The following MTERF4 variants were observed in gnomAD, a reference collection of about 807,000 sequenced individuals.
The protein encoded by MTERF4 is transcription termination factor 4, mitochondrial.
A neutral mutation model predicts 22.5 loss-of-function variants in MTERF4; 17 were observed. The observed-to-expected ratio is 0.75, with a 90% CI of 0.52 to 1.13. The LOEUF is 1.13. Ranked by LOEUF, MTERF4 falls within the 50% of genes most tolerant of loss-of-function variation. The pLI, the probability that MTERF4 is intolerant of heterozygous loss-of-function variation, is 0.00. For synonymous variants in MTERF4, 165 were observed against 175.3 expected (o/e 0.94, Z 0.47); for missense variants, 420 against 466.8 (o/e 0.90, Z 0.92).
chr2:241,066,419 C>T, the MTERF4 span, among the ~76,000 whole-genome samples: 7 of 152,148 alleles, frequency 4.6e-5, no homozygotes, highest in South Asian at 4.1e-4. Context: ...TGGCCTTCCA[C>T]GGAGCCCGGC....
chr2:241,096,231 T>C lies in MTERF4; in HGVS notation c.913A>G (p.Thr305Ala), dbSNP rs746432971. ...RVSEAEFLAR[T>A]ACTSVEEFQV... The stretch of plus-strand genomic sequence containing the variant: ...AACTCCTCAACAGAAGTACAGGCTG[T>C]CCTGGCCAAAAACTCAGCTTCTGAA... Residue 305 changes from threonine (T) to alanine (A), a missense_variant, in exon 4 of 4, where the codon ACA (threonine) becomes GCA (alanine). Transcript: ENST00000391980. This position sits in a 1 kb window ranked among gnomAD's most constrained non-coding sequence, Gnocchi z 5.1. The C allele has an allele frequency of 6.2e-7, 1 of 1,614,210 alleles. No homozygotes were observed. Among genetic ancestry groups the C allele is most frequent in the Non-Finnish European group, 8.5e-7 (1 of 1,180,046 alleles).
At chr2:241,068,889 CTT>C (rs766499310), downstream of MTERF4, 74 of 1,507,472 alleles carry the variant, frequency 4.9e-5, no homozygotes, top group South Asian at 8.2e-4. This position sits in a 1 kb window ranked among gnomAD's most constrained non-coding sequence, Gnocchi z 5.3. Context: ...CCTGTTCTCT[CTT>C]TGTCACCTCC....
rs1413304025 is a variant in MTERF4, at chr2:241,073,449, A to G, written n.2713T>C. Reference sequence around the variant, plus strand: ...AGGCTGCAGGCAGGAGGGACCACCCACGGTGAGGAATCAGGAGGCACAGAG... The same window carrying G: ...AGGCTGCAGGCAGGAGGGACCACCCGCGGTGAGGAATCAGGAGGCACAGAG... On this transcript the variant is annotated non_coding_transcript_exon_variant, in exon 5 of 5. Coordinates refer to the MTERF4 transcript ENST00000464344. This position sits in a 1 kb window ranked among gnomAD's most constrained non-coding sequence, Gnocchi z 6.6. 1 of 1,113,136 alleles carries G rather than the reference A, an allele frequency of 9.0e-7. No homozygotes were observed. Among genetic ancestry groups the G allele is most frequent in the South Asian group, 1.3e-5 (1 of 75,204 alleles). 69.0% of individuals were successfully genotyped at this position (1,113,136 alleles called of 1,614,324 possible). A position where few individuals can be genotyped will look rare whatever the true frequency, so the allele number is the denominator to read the frequency against.
At chr2:241,067,962 C>T (rs1375503045), downstream of MTERF4, 4 of 1,599,546 alleles carry the variant, frequency 2.5e-6, no homozygotes, top group Non-Finnish European at 3.4e-6. Flanking sequence ...GAAGGGACAC[C>T]CAGAGCATGG....
the MTERF4 span, among the ~76,000 whole-genome samples, chr2:241,052,827 T>C: frequency 9.2e-3 from 1,033 of 111,766 alleles, 22 homozygotes; most frequent in African/African-American, 0.027. Context: ...GTACATGGGA[T>C]GCCGGTGTCA....
At chr2:241,087,540 C>CA (rs369863250), downstream of MTERF4, 98 of 1,533,792 alleles carry the variant, frequency 6.4e-5, no homozygotes, top group African/African-American at 1.2e-3. Flanking sequence ...GGGGCAAGGG[C>CA]GGGGTGCTAT....
chr2:241,074,523 G>C (rs2062925598), exon 5 of MTERF4: 1 of 152,192 alleles, frequency 6.6e-6, no homozygotes, highest in African/African-American at 2.4e-5. Flanking sequence ...CTAGAACTCA[G>C]AGATTGGAGG....
chr2:241,081,956 G>A (rs1305246870), intron 4 of MTERF4, among the ~76,000 whole-genome samples: 52 of 152,198 alleles, frequency 3.4e-4, no homozygotes, highest in Admixed American at 2.6e-3. Flanking sequence ...CAGGGGCTGC[G>A]CTGCTGCCCC....
Position 241,096,340 on chromosome 2 carries a change from C to T in MTERF4, c.804G>A (p.Leu268=). 1 of 1,614,150 alleles carries T rather than the reference C, an allele frequency of 6.2e-7. No individual in the cohort carries two copies. The highest frequency in any genetic ancestry group is 8.5e-7 in the Non-Finnish European group (1 of 1,180,040). Residue 268 remains leucine (L), a synonymous_variant, in exon 4 of 4, where the codon CTG becomes CTA. Transcript: ENST00000391980. The surrounding 1 kb of genome is among the most constrained non-coding windows in gnomAD (Gnocchi z 5.1). ...LTKIKQRHIY[L]ERLGRYQTPD... ...GGGTTTGGTACCGTCCCAGGCGCTC[C>T]AGGTAAATGTGTCTCTGCTTAATCT...
the MTERF4 span, among the ~76,000 whole-genome samples, chr2:241,056,436 G>T: frequency 1.3e-5 from 2 of 150,756 alleles, no homozygotes; most frequent in African/African-American, 4.9e-5. Context: ...AATTGGATAG[G>T]CTTAACAAAA....
the MTERF4 span, among the ~76,000 whole-genome samples, chr2:241,050,740 C>T: frequency 2.0e-5 from 3 of 152,198 alleles, no homozygotes; most frequent in Non-Finnish European, 2.9e-5. Flanking sequence ...CTAGGACCAC[C>T]CTGAGGCCCT....
rs1287390554 is a variant in MTERF4, at chr2:241,096,657, G to A, written c.706-219C>T. ...AGAAACATGGAGCAGGAAATAAAGGGGTGGGAGGGAAAAGGGGCAGGAGGG... is the reference window on the plus strand; with the variant it reads ...AGAAACATGGAGCAGGAAATAAAGGAGTGGGAGGGAAAAGGGGCAGGAGGG... On this transcript the variant is annotated intron_variant, in intron 3 of 3. Transcript: ENST00000391980. The surrounding 1 kb of genome is among the most constrained non-coding windows in gnomAD (Gnocchi z 5.1). 13 of 698,746 alleles carry A rather than the reference G, an allele frequency of 1.9e-5. No homozygotes were observed. The highest frequency in any genetic ancestry group is 6.1e-5 in the Admixed American group (3 of 49,152). 43.3% of individuals were successfully genotyped at this position (698,746 alleles called of 1,614,324 possible). A position where few individuals can be genotyped will look rare whatever the true frequency, so the allele number is the denominator to read the frequency against.
chr2:241,056,964 A>G, the MTERF4 span, among the ~76,000 whole-genome samples: 1 of 152,234 alleles, frequency 6.6e-6, no homozygotes, highest in East Asian at 1.9e-4. Flanking sequence ...TTGAAGTCCC[A>G]GAAATAGAGG....
chr2:241,074,673 G>A (rs1354876268), exon 5 of MTERF4: 1 of 152,182 alleles, frequency 6.6e-6, no homozygotes, highest in African/African-American at 2.4e-5. Flanking sequence ...GATTTTAAGT[G>A]ATAACATGAA....
At chr2:241,053,784 C>T in the MTERF4 span, among the ~76,000 whole-genome samples, 1 of 152,186 alleles carries the variant, frequency 6.6e-6, no homozygotes, top group African/African-American at 2.4e-5. Flanking sequence ...TGAGGTCCCA[C>T]CCCTGTCTGG....
chr2:241,052,574 TGAGAGGGCCAGGGGGCC>T, the MTERF4 span: 1 of 890,776 alleles, frequency 1.1e-6, no homozygotes, highest in African/African-American at 1.8e-5. Flanking sequence ...GCCAGGCAGG[TGAGAGGGCCAGGGGGCC>T]AAGCAGGATA....
chr2:241,063,965 C>T, the MTERF4 span: 2 of 1,381,660 alleles, frequency 1.4e-6, no homozygotes, highest in African/African-American at 1.4e-5. Context: ...CTCCCTCCCC[C>T]AGACTCCCCC....
At chr2:241,079,272 C>T (rs1378466813) in intron 4 of MTERF4, among the ~76,000 whole-genome samples, 11 of 151,182 alleles carry the variant, frequency 7.3e-5, no homozygotes, top group South Asian at 2.1e-4. Context: ...ATTAGCCGGG[C>T]GCAGTGGCAG....
Position 241,075,478 on chromosome 2 carries a change from T to C in MTERF4, n.684A>G, listed in dbSNP as rs1575081572. The C allele has an allele frequency of 6.6e-6, 1 of 152,168 alleles. No homozygotes were observed. Among genetic ancestry groups the C allele is most frequent in the Non-Finnish European group, 1.5e-5 (1 of 68,044 alleles). The allele number at this position is 152,168 out of a possible 1,614,324, so 9.4% of individuals were successfully genotyped here. A position where few individuals can be genotyped will look rare whatever the true frequency, so the allele number is the denominator to read the frequency against. On this transcript the variant is annotated non_coding_transcript_exon_variant, in exon 5 of 5. Coordinates refer to the MTERF4 transcript ENST00000464344. The surrounding 1 kb of genome is among the most constrained non-coding windows in gnomAD (Gnocchi z 4.8). ...TCCTGGGCACTGATGTGACTGCGCC[T>C]CTCCTCATGGGCATCCACCAAAGGT... is the stretch of plus-strand genomic sequence containing the variant.
Sources: gnomAD v4.1 joint callset for allele counts (sites outside exome capture counted in the v4.1 genomes callset) on GRCh38, gnomAD v4.1.1 for gene constraint, Gnocchi (gnomAD v3.1) non-coding constraint, MANE v1.5 for transcripts, NCBI Gene and HGNC (gene_info 2026-07-23, HGNC 2026-07-21) for gene names.